SPOCK1: variants seen among roughly 807,000 people sequenced by gnomAD.
SPOCK1 encodes SPARC (osteonectin), cwcv and kazal like domains proteoglycan 1, also known as testican-1.
Under a neutral mutation model 55.3 loss-of-function variants are expected in SPOCK1, and 23 were observed. That is an observed-to-expected ratio of 0.42 (90% confidence interval 0.30 to 0.59). The LOEUF (loss-of-function observed/expected upper bound fraction) is 0.59. Among genes scored for constraint, SPOCK1 ranks in the 20% least tolerant of loss-of-function variants. SPOCK1 has a pLI of 0.22. For synonymous variants in SPOCK1, 226 were observed against 221.0 expected (o/e 1.02, Z -0.20); for missense variants, 499 against 552.5 (o/e 0.90, Z 0.97).
chr5:137,381,383 G>C (rs10041855), intron 2 of SPOCK1, among the ~76,000 whole-genome samples: 12,978 of 152,210 alleles, frequency 0.085, 1,256 homozygotes, highest in African/African-American at 0.24. Context: ...CAGCGCCCCA[G>C]TGGGGATTCT....
At chr5:137,049,478 G>GT (rs1752164822) in intron 6 of SPOCK1, among the ~76,000 whole-genome samples, 1 of 88,142 alleles carries the variant, frequency 1.1e-5, no homozygotes, top group Non-Finnish European at 2.2e-5. Flanking sequence ...TCAAGCCTTG[G>GT]TTTTCAGCTC....
intron 5 of SPOCK1, among the ~76,000 whole-genome samples, chr5:137,106,011 T>C (rs972717848): frequency 1.3e-5 from 2 of 152,114 alleles, no homozygotes; most frequent in African/African-American, 4.8e-5. Context: ...CAAGGCCCAG[T>C]GCTGGGAAGT....
intron 2 of SPOCK1, among the ~76,000 whole-genome samples, chr5:137,284,215 C>T (rs553962969): frequency 6.6e-6 from 1 of 152,308 alleles, no homozygotes; most frequent in East Asian, 1.9e-4. Context: ...TCCTTCTGTG[C>T]ACCACGATAG....
chr5:137,213,571 C>G (rs11242373), intron 3 of SPOCK1, among the ~76,000 whole-genome samples: 59,928 of 152,094 alleles, frequency 0.39, 12,884 homozygotes, highest in Non-Finnish European at 0.47. Flanking sequence ...CTCTAACCAC[C>G]ACGCTCGCAA....
intron 3 of SPOCK1, among the ~76,000 whole-genome samples, chr5:137,163,966 A>G (rs1034663142): frequency 2.6e-5 from 4 of 152,192 alleles, no homozygotes; most frequent in Admixed American, 6.5e-5. Context: ...AGCAGACCAC[A>G]TATTTCACAC....
At chr5:137,113,730 T>C (rs1412624619) in intron 4 of SPOCK1, among the ~76,000 whole-genome samples, 1 of 152,286 alleles carries the variant, frequency 6.6e-6, no homozygotes, top group East Asian at 1.9e-4. Context: ...AATTATTACT[T>C]GCCCCCACAG....
intron 2 of SPOCK1, among the ~76,000 whole-genome samples, chr5:137,345,402 G>A (rs760393530): frequency 6.6e-6 from 1 of 152,162 alleles, no homozygotes; most frequent in South Asian, 2.1e-4. Flanking sequence ...ATCCCCAGCT[G>A]CTTGCACCTC....
At chr5:137,244,960 A>G (rs930656244) in intron 3 of SPOCK1, among the ~76,000 whole-genome samples, 3 of 152,340 alleles carry the variant, frequency 2.0e-5, no homozygotes, top group South Asian at 2.1e-4. Flanking sequence ...GTCCAGGACA[A>G]AGTTTACCTC....
chr5:137,112,836 C>T (rs1452168575), intron 4 of SPOCK1, among the ~76,000 whole-genome samples: 1 of 130,292 alleles, frequency 7.7e-6, no homozygotes, highest in Non-Finnish European at 1.6e-5. Context: ...ATTTTTACAA[C>T]ACACAGAAAA....
intron 3 of SPOCK1, among the ~76,000 whole-genome samples, chr5:137,161,144 A>AT (rs994550150): frequency 4.1e-5 from 6 of 147,824 alleles, no homozygotes; most frequent in Non-Finnish European, 8.9e-5. Flanking sequence ...GAGTATATAT[A>AT]TCTCTAATAT....
At chr5:137,128,358 T>C (rs1167921896) in intron 4 of SPOCK1, among the ~76,000 whole-genome samples, 1 of 152,130 alleles carries the variant, frequency 6.6e-6, no homozygotes, top group African/African-American at 2.4e-5. Flanking sequence ...ACCCAGAACA[T>C]TAAAAATAGC....
intron 6 of SPOCK1, among the ~76,000 whole-genome samples, chr5:136,994,101 G>T (rs1276303124): frequency 6.6e-6 from 1 of 152,152 alleles, no homozygotes; most frequent in Admixed American, 6.5e-5. Context: ...CCCTGACTGG[G>T]TCTCTGCAAC....
rs1478631973 is a variant in SPOCK1 at position 137,326,274 on chromosome 5, G to A, written c.187-59219C>T. 2.8e-5 allele frequency among the ~76,000 whole-genome samples: 4 copies of A among 142,674 alleles called. No homozygotes were observed. In the East Asian group the frequency reaches 8.5e-4, roughly 30 times the overall value. The allele number at this position is 142,674 out of a possible 152,430, so 93.6% of individuals were successfully genotyped here. On this transcript the variant is annotated intron_variant, in intron 2 of 10. Transcript: ENST00000394945. Reference sequence around the variant, plus strand: ...AGGGAGGCATGAGGTACCTACTTCTGCATCCAAAAAAAAAAAAAATCTAGA... The same window carrying A: ...AGGGAGGCATGAGGTACCTACTTCTACATCCAAAAAAAAAAAAAATCTAGA...
At chr5:137,065,925 G>A (rs1238772031) in intron 6 of SPOCK1, among the ~76,000 whole-genome samples, 2 of 152,146 alleles carry the variant, frequency 1.3e-5, no homozygotes, top group Admixed American at 1.3e-4. Context: ...AGATGGCACA[G>A]TCAAGGCCAC....
chr5:136,992,916 C>T (rs1257818776), intron 6 of SPOCK1: 6 of 236,436 alleles, frequency 2.5e-5, no homozygotes, highest in Non-Finnish European at 4.9e-5. Flanking sequence ...ATCACTTTTG[C>T]TAACCGCATA....
chr5:137,149,139 A>C (rs557421279), intron 3 of SPOCK1, among the ~76,000 whole-genome samples: 1 of 152,336 alleles, frequency 6.6e-6, no homozygotes, highest in South Asian at 2.1e-4. Flanking sequence ...CTCTGACTTA[A>C]GAAACAATAG....
chr5:137,327,807 A>G (rs898993588), intron 2 of SPOCK1, among the ~76,000 whole-genome samples: 1 of 152,212 alleles, frequency 6.6e-6, no homozygotes, highest in African/African-American at 2.4e-5. Flanking sequence ...ACACACATGC[A>G]TGAGCTGCTG....
At chr5:137,006,873 C>T (rs1751260225) in intron 6 of SPOCK1, among the ~76,000 whole-genome samples, 2 of 152,148 alleles carry the variant, frequency 1.3e-5, no homozygotes. Context: ...TATGTTCCAT[C>T]AATACCTAGT....
rs564108339 is a variant in SPOCK1, at chr5:137,343,114, G to A, written c.187-76059C>T. ...CTTCAATCAAGTGCAAGTACATCCC[G>A]ACACTTATCCACTCCCACAGGTGTC... is the stretch of plus-strand genomic sequence containing the variant. On this transcript the variant is annotated intron_variant, in intron 2 of 10. Transcript: ENST00000394945. 2.0e-5 allele frequency among the ~76,000 whole-genome samples: 3 copies of A among 152,320 alleles called. No homozygotes were observed. In the East Asian group the frequency reaches 5.8e-4, roughly 29 times the overall value.
Sources: gnomAD v4.1 joint callset for allele counts (sites outside exome capture counted in the v4.1 genomes callset) on GRCh38, gnomAD v4.1.1 for gene constraint, MANE v1.5 for transcripts, NCBI Gene and HGNC (gene_info 2026-07-23, HGNC 2026-07-21) for gene names.